The following HMGB1 variants were observed in gnomAD, a reference collection of about 807,000 sequenced individuals.
HMGB1 encodes high mobility group protein B1.
For synonymous variants in HMGB1, 81 were observed against 84.0 expected (o/e 0.96, Z 0.19); for missense variants, 79 against 253.5 (o/e 0.31, Z 4.67).
chr13:30,607,777 T>C (rs1950474718), intron 1 of HMGB1, among the ~76,000 whole-genome samples: 1 of 152,202 alleles, frequency 6.6e-6, no homozygotes, highest in Non-Finnish European at 1.5e-5. Context: ...TCTGGACATA[T>C]TCTCACAGCC....
chr13:30,553,205 C>T lies in HMGB1; in HGVS notation c.-15+63466G>A, dbSNP rs928911760. Among the ~76,000 whole-genome samples the T allele has an allele frequency of 2.0e-5, 3 of 152,168 alleles. No individual in the cohort carries two copies. The South Asian group carries it at 6.2e-4, about 32-fold the overall frequency. Reference sequence around the variant, plus strand: ...TGAAAGGGACCCTTGGGTTGGCTTTCTCTCCTTCCGGGGGGTCATTCTTCT... The same window carrying T: ...TGAAAGGGACCCTTGGGTTGGCTTTTTCTCCTTCCGGGGGGTCATTCTTCT... On this transcript the variant is annotated intron_variant, in intron 1 of 4. Transcript: ENST00000405805.
At chr13:30,465,168 AGCGG>A (rs1446066177) in intron 1 of HMGB1, 1 of 954,862 alleles carries the variant, frequency 1.0e-6, no homozygotes, top group African/African-American at 1.9e-5. Context: ...CAGCGAGCGC[AGCGG>A]CGCCGCTCCC....
intron 1 of HMGB1, among the ~76,000 whole-genome samples, chr13:30,520,726 C>T (rs1425206457): frequency 6.6e-6 from 1 of 152,214 alleles, no homozygotes; most frequent in Non-Finnish European, 1.5e-5. Context: ...TGCTTCACTG[C>T]TTATTCACTC....
chr13:30,537,678 TATATATATATATATATATA>T (rs1868514596), intron 1 of HMGB1, among the ~76,000 whole-genome samples: 1 of 118,028 alleles, frequency 8.5e-6, no homozygotes, highest in Non-Finnish European at 1.9e-5. Flanking sequence ...TATATATATA[TATATATATATATATATATA>T]AAATTGATGT....
chr13:30,528,469 CTT>C (rs1888420118), intron 1 of HMGB1, among the ~76,000 whole-genome samples: 1 of 152,188 alleles, frequency 6.6e-6, no homozygotes, highest in Non-Finnish European at 1.5e-5. Flanking sequence ...CGCTCCCTTG[CTT>C]TTGACTGAGT....
chr13:30,463,124 A>G, intron 3 of HMGB1, 83 bp downstream of exon 3: 5 of 1,343,788 alleles, frequency 3.7e-6, no homozygotes, highest in South Asian at 1.3e-5. Flanking sequence ...TTTACACTCT[A>G]AACTGACAAA....
Position 30,608,999 on chromosome 13 carries a change from C to T in HMGB1, c.-15+7672G>A, listed in dbSNP as rs185308895. Among the ~76,000 whole-genome samples the T allele has an allele frequency of 9.3e-5, 13 of 139,644 alleles. No homozygotes were observed. In the East Asian group the frequency reaches 2.3e-3, roughly 25 times the overall value. The allele number at this position is 139,644 out of a possible 152,430, so 91.6% of individuals were successfully genotyped here. A position where few individuals can be genotyped will look rare whatever the true frequency, so the allele number is the denominator to read the frequency against. Reference sequence around the variant, plus strand: ...AGGTGAGGCCGGGCGCGGCGGCTCACGCCTGTAATCCCAGCACTTGGGGAG... The same window carrying T: ...AGGTGAGGCCGGGCGCGGCGGCTCATGCCTGTAATCCCAGCACTTGGGGAG... On this transcript the variant is annotated intron_variant, in intron 1 of 4. Transcript: ENST00000405805.
At chr13:30,606,788 G>A (rs755248502) in intron 1 of HMGB1, among the ~76,000 whole-genome samples, 12 of 152,162 alleles carry the variant, frequency 7.9e-5, no homozygotes, top group Non-Finnish European at 1.5e-4. Flanking sequence ...AATGCTTATG[G>A]TTAGAATTCC....
chr13:30,573,962 C>T (rs1421449138), intron 1 of HMGB1, among the ~76,000 whole-genome samples: 1 of 152,090 alleles, frequency 6.6e-6, no homozygotes, highest in Non-Finnish European at 1.5e-5. Context: ...CCTAATCTAG[C>T]ATTTTCTAAA....
chr13:30,579,257 A>G (rs1325714288), intron 1 of HMGB1, among the ~76,000 whole-genome samples: 1 of 152,222 alleles, frequency 6.6e-6, no homozygotes, highest in Non-Finnish European at 1.5e-5. Flanking sequence ...ATCACATTAT[A>G]TCATCACTTT....
intron 1 of HMGB1, among the ~76,000 whole-genome samples, chr13:30,553,165 T>C (rs1226694779): frequency 6.6e-6 from 1 of 152,214 alleles, no homozygotes; most frequent in Non-Finnish European, 1.5e-5. Flanking sequence ...CAGATATTCA[T>C]AATGGTTGCC....
intron 1 of HMGB1, among the ~76,000 whole-genome samples, chr13:30,519,722 A>G (rs934975795): frequency 6.6e-6 from 1 of 151,904 alleles, no homozygotes. Context: ...AAATCAACAT[A>G]GCAGCTAAAG....
chr13:30,545,709 T>C (rs1869122317), intron 1 of HMGB1, among the ~76,000 whole-genome samples: 1 of 152,142 alleles, frequency 6.6e-6, no homozygotes, highest in Non-Finnish European at 1.5e-5. Flanking sequence ...TTGTGGGTTT[T>C]TCTTGAGACA....
At chr13:30,464,731 GA>G in intron 1 of HMGB1, 7 of 652,524 alleles carry the variant, frequency 1.1e-5, no homozygotes, top group Non-Finnish European at 1.3e-5. Flanking sequence ...CCGCGAGGGC[GA>G]GCGCGAGCGA....
At chr13:30,464,480 C>T in intron 1 of HMGB1, 3 of 985,106 alleles carry the variant, frequency 3.0e-6, no homozygotes, top group Non-Finnish European at 3.6e-6. Context: ...GAGCCCCCCG[C>T]CCCTAGAACT....
chr13:30,569,652 G>GCTA (rs1314649481), intron 1 of HMGB1, among the ~76,000 whole-genome samples: 2 of 152,150 alleles, frequency 1.3e-5, no homozygotes, highest in Non-Finnish European at 2.9e-5. Context: ...CAGGCCTCGA[G>GCTA]CTACTCAGTC....
chr13:30,498,954 T>C (rs1252172573), intron 1 of HMGB1, among the ~76,000 whole-genome samples: 1 of 53,958 alleles, frequency 1.9e-5, no homozygotes, highest in Non-Finnish European at 6.6e-5. Context: ...AGCCTCTTTT[T>C]TGTTTTTTTT....
In HMGB1 at chr13:30,561,180, A is replaced by G. The variant is rs142770192; in HGVS notation, c.-15+55491T>C. On this transcript the variant is annotated intron_variant, in intron 1 of 4. Transcript: ENST00000405805. ...TAAAAAAAAGTAGGAGGAAAACCTG[A>G]TTCTGGAATTAGGGCAGCCAATAGA... Among the ~76,000 whole-genome samples, 164 of 152,286 alleles carry G rather than the reference A, an allele frequency of 1.1e-3. 1 individual carries two copies. The highest frequency in any genetic ancestry group is 3.4e-3 in the Middle Eastern group (1 of 294).
chr13:30,590,666 T>A (rs772590082), intron 1 of HMGB1, among the ~76,000 whole-genome samples: 13 of 152,296 alleles, frequency 8.5e-5, no homozygotes, highest in Non-Finnish European at 1.5e-4. Context: ...CCCCTCAAAT[T>A]CGTATGTTGA....
Sources: gnomAD v4.1 joint callset for allele counts (sites outside exome capture counted in the v4.1 genomes callset) on GRCh38, gnomAD v4.1.1 for gene constraint, MANE v1.5 for transcripts, NCBI Gene and HGNC (gene_info 2026-07-23, HGNC 2026-07-21) for gene names.